NXPH1: variants seen among roughly 807,000 people sequenced by gnomAD.
NXPH1 encodes neurexophilin 1.
In NXPH1, 5 loss-of-function variants were observed where a neutral mutation model predicts 23.7. The ratio of observed to expected loss-of-function variants is 0.21; its 90% CI spans 0.11 to 0.44. NXPH1 has a LOEUF of 0.44. NXPH1 is among the 20% of genes least tolerant of loss of function. The pLI, the probability that NXPH1 is intolerant of heterozygous loss-of-function variation, is 0.99. For synonymous variants in NXPH1, 144 were observed against 122.2 expected (o/e 1.18, Z -1.18); for missense variants, 324 against 321.6 (o/e 1.01, Z -0.06).
chr7:8,713,592 T>C (rs1398658006), intron 2 of NXPH1, among the ~76,000 whole-genome samples: 3 of 152,150 alleles, frequency 2.0e-5, no homozygotes, highest in African/African-American at 7.2e-5. Context: ...CCCGTCCTTC[T>C]TGGGAAGCCT....
intron 2 of NXPH1, among the ~76,000 whole-genome samples, chr7:8,707,452 T>C (rs1445475592): frequency 3.3e-5 from 5 of 152,218 alleles, no homozygotes; most frequent in Admixed American, 3.3e-4. Flanking sequence ...TTGCCAATGC[T>C]ATTATTGCAT....
intron 2 of NXPH1, among the ~76,000 whole-genome samples, chr7:8,696,840 C>CAAAAAAAAAA (rs3059126): frequency 2.1e-5 from 2 of 96,980 alleles, no homozygotes; most frequent in Admixed American, 1.2e-4. Flanking sequence ...GACTCCCTCT[C>CAAAAAAAAAA]AAAAAAAAAA....
intron 2 of NXPH1, among the ~76,000 whole-genome samples, chr7:8,462,526 A>T (rs1019569101): frequency 1.3e-5 from 2 of 152,188 alleles, no homozygotes; most frequent in African/African-American, 4.8e-5. Flanking sequence ...TCCCACAGTC[A>T]CTCAGCTAAT....
chr7:8,750,888 G>A, intron 2 of NXPH1, 120 bp from the exon 3 acceptor site: 1 of 957,750 alleles, frequency 1.0e-6, no homozygotes, highest in Non-Finnish European at 1.6e-6. Context: ...CTCAGATGCG[G>A]TGCTTTTAAA....
At chr7:8,439,440 C>A (rs183978021) in intron 2 of NXPH1, among the ~76,000 whole-genome samples, 56 of 152,198 alleles carry the variant, frequency 3.7e-4, no homozygotes, top group Non-Finnish European at 7.1e-4. Flanking sequence ...TCTGAGCATG[C>A]TAATGAAAAA....
intron 2 of NXPH1, among the ~76,000 whole-genome samples, chr7:8,635,238 A>G (rs1820200050): frequency 6.6e-6 from 1 of 152,220 alleles, no homozygotes; most frequent in Non-Finnish European, 1.5e-5. Flanking sequence ...GGTTATGAGA[A>G]TGACAGCTAT....
chr7:8,523,776 G>A (rs910789184), intron 2 of NXPH1, among the ~76,000 whole-genome samples: 98 of 152,062 alleles, frequency 6.4e-4, no homozygotes, highest in African/African-American at 2.2e-3. Flanking sequence ...ATCCAGTTTT[G>A]AAGCCTCATC....
rs909835023 is a variant in NXPH1 at position 8,752,281 on chromosome 7, G to A, written c.*512G>A. ...GGTAAATACTACTGTAGGAGTATCT[G>A]CTTGTTAAAATGGAAAAATGTGTCT... is the stretch of plus-strand genomic sequence containing the variant. On this transcript the variant is annotated 3_prime_UTR_variant, in exon 3 of 3. Transcript: ENST00000405863. The A allele has an allele frequency of 1.3e-5, 2 of 153,808 alleles. No homozygotes were observed. The highest frequency in any genetic ancestry group is 2.9e-5 in the Non-Finnish European group (2 of 68,970). 9.5% of individuals were successfully genotyped at this position (153,808 alleles called of 1,614,324 possible). A position where few individuals can be genotyped will look rare whatever the true frequency, so the allele number is the denominator to read the frequency against.
At chr7:8,529,812 T>G (rs1238482387) in intron 2 of NXPH1, among the ~76,000 whole-genome samples, 1 of 152,148 alleles carries the variant, frequency 6.6e-6, no homozygotes, top group Non-Finnish European at 1.5e-5. Flanking sequence ...TTAAAAAAAA[T>G]GGTCCAGAGT....
At chr7:8,663,798 A>C (rs575075404) in intron 2 of NXPH1, among the ~76,000 whole-genome samples, 2 of 152,064 alleles carry the variant, frequency 1.3e-5, no homozygotes, top group Admixed American at 6.6e-5. Context: ...CCAATGTCTG[A>C]TAGTCTTAAT....
chr7:8,454,043 A>G (rs1816549983), intron 2 of NXPH1, among the ~76,000 whole-genome samples: 1 of 152,100 alleles, frequency 6.6e-6, no homozygotes, highest in African/African-American at 2.4e-5. Flanking sequence ...AAATGATGAG[A>G]ACACATGGAC....
intron 2 of NXPH1, among the ~76,000 whole-genome samples, chr7:8,508,045 G>T (rs1007711526): frequency 2.6e-5 from 4 of 152,028 alleles, no homozygotes; most frequent in African/African-American, 9.7e-5. Flanking sequence ...TGGTCACCTG[G>T]TACCCATCCA....
intron 2 of NXPH1, among the ~76,000 whole-genome samples, chr7:8,511,935 C>G (rs550173336): frequency 3.3e-5 from 5 of 152,226 alleles, no homozygotes; most frequent in African/African-American, 1.2e-4. Flanking sequence ...TCTGACAACT[C>G]AGGAATGGAT....
At chr7:8,523,830 G>GACAA (rs1817815970) in intron 2 of NXPH1, among the ~76,000 whole-genome samples, 1 of 152,052 alleles carries the variant, frequency 6.6e-6, no homozygotes, top group Non-Finnish European at 1.5e-5. Flanking sequence ...TATATCATGG[G>GACAA]TCTGGACATG....
intron 2 of NXPH1, among the ~76,000 whole-genome samples, chr7:8,571,246 G>A (rs1818641258): frequency 6.6e-6 from 1 of 151,830 alleles, no homozygotes; most frequent in African/African-American, 2.4e-5. Context: ...ATAGTGGGAT[G>A]TAAAGGAGGG....
intron 2 of NXPH1, among the ~76,000 whole-genome samples, chr7:8,450,034 C>G (rs571608354): frequency 1.3e-5 from 2 of 152,286 alleles, no homozygotes; most frequent in East Asian, 3.9e-4. Context: ...CCCTGGGTCT[C>G]AGGGTAAGGT....
At chr7:8,700,947 A>T (rs1438464181) in intron 2 of NXPH1, among the ~76,000 whole-genome samples, 2 of 152,074 alleles carry the variant, frequency 1.3e-5, no homozygotes, top group African/African-American at 2.4e-5. Context: ...ATATTTCATG[A>T]TATGTGAAAT....
chr7:8,562,164 A>C lies in NXPH1; in HGVS notation c.54+126397A>C, dbSNP rs10239284. On this transcript the variant is annotated intron_variant, in intron 2 of 2. Transcript: ENST00000405863. ...GGAAACTGGAGGCACAAAAACCTTA[A>C]ATTTTAATTTGCTCAAGATCAACCT... 9.4e-3 allele frequency among the ~76,000 whole-genome samples: 1,424 copies of C among 151,736 alleles called. 25 individuals are homozygous for C. The highest frequency in any genetic ancestry group is 0.033 in the African/African-American group (1,367 of 41,476).
intron 2 of NXPH1, among the ~76,000 whole-genome samples, chr7:8,486,443 GA>G (rs2128610572): frequency 1.3e-5 from 2 of 152,246 alleles, no homozygotes; most frequent in East Asian, 3.9e-4. Context: ...TTACTTGTAA[GA>G]ATCATTTGGA....
Sources: allele counts gnomAD v4.1 joint callset (sites outside exome capture counted in the v4.1 genomes callset), GRCh38; gene constraint gnomAD v4.1.1; transcripts MANE v1.5; gene names NCBI Gene and HGNC (gene_info 2026-07-23, HGNC 2026-07-21).